The following NAALADL2 variants were observed in gnomAD, a reference collection of about 807,000 sequenced individuals.
NAALADL2 encodes the protein N-acetylated alpha-linked acidic dipeptidase like 2, also known as inactive N-acetylated-alpha-linked acidic dipeptidase-like protein 2.
A neutral mutation model predicts 87.2 loss-of-function variants in NAALADL2; 76 were observed. That is an observed-to-expected ratio of 0.87 (90% CI 0.72 to 1.05). The LOEUF is 1.05. NAALADL2 is among the 50% of genes least tolerant of loss of function. The pLI is 0.00. For synonymous variants in NAALADL2, 354 were observed against 331.0 expected, an observed-to-expected ratio of 1.07 and a Z score of -0.75; for missense variants, 1,089 against 945.8, an observed-to-expected ratio of 1.15 and a Z score of -1.99.
intron 3 of NAALADL2, among the ~76,000 whole-genome samples, chr3:174,840,966 T>C (rs1220876620): frequency 2.0e-5 from 3 of 151,626 alleles, no homozygotes; most frequent in African/African-American, 7.3e-5. Flanking sequence ...TAGTGCCCAT[T>C]ATGATGTTGA....
intron 2 of NAALADL2, among the ~76,000 whole-genome samples, chr3:174,695,405 T>C (rs1728930678): frequency 6.6e-6 from 1 of 152,006 alleles, no homozygotes; most frequent in South Asian, 2.1e-4. Context: ...TCCTGAACCA[T>C]AGACATAAGA....
At chr3:175,013,185 T>A (rs1750280885) in intron 1 of NAALADL2, among the ~76,000 whole-genome samples, 2 of 94,374 alleles carry the variant, frequency 2.1e-5, no homozygotes, top group South Asian at 2.5e-4. Flanking sequence ...TATTTATATA[T>A]AAATATATAT....
intron 9 of NAALADL2, among the ~76,000 whole-genome samples, chr3:175,510,104 G>T (rs1220605670): frequency 3.3e-5 from 5 of 150,306 alleles, no homozygotes; most frequent in East Asian, 2.0e-4. Flanking sequence ...GCGGTGTTTG[G>T]TTTTTTTTTC....
intron 10 of NAALADL2, among the ~76,000 whole-genome samples, chr3:175,626,276 A>AT (rs911870781): frequency 1.1e-4 from 16 of 151,932 alleles, no homozygotes; most frequent in African/African-American, 3.1e-4. Flanking sequence ...TATCCCTCAT[A>AT]TTTTTTGTAT....
chr3:175,491,379 G>A (rs16825830), intron 9 of NAALADL2, among the ~76,000 whole-genome samples: 1 of 151,448 alleles, frequency 6.6e-6, no homozygotes, highest in Non-Finnish European at 1.5e-5. Context: ...TTCAATCTGT[G>A]TATTTGTCTT....
intron 1 of NAALADL2, among the ~76,000 whole-genome samples, chr3:174,893,982 C>T (rs1395210569): frequency 6.6e-6 from 1 of 151,990 alleles, no homozygotes; most frequent in Non-Finnish European, 1.5e-5. Context: ...AAACACTTTA[C>T]CTGTGAAGAC....
chr3:174,637,381 A>G (rs1722750396), intron 2 of NAALADL2, among the ~76,000 whole-genome samples: 2 of 152,110 alleles, frequency 1.3e-5, no homozygotes, highest in African/African-American at 4.8e-5. Flanking sequence ...GGATATCCTA[A>G]ATATCCTCAA....
At chr3:174,761,862 TG>T (rs1161216957) in intron 3 of NAALADL2, among the ~76,000 whole-genome samples, 1 of 150,808 alleles carries the variant, frequency 6.6e-6, no homozygotes, top group Non-Finnish European at 1.5e-5. Flanking sequence ...ATGCGGTGTT[TG>T]GTTTTTTGTC....
At chr3:175,791,834 T>G (rs1373670666) in intron 13 of NAALADL2, among the ~76,000 whole-genome samples, 1 of 151,260 alleles carries the variant, frequency 6.6e-6, no homozygotes, top group Non-Finnish European at 1.5e-5. Flanking sequence ...TATTTTGTGC[T>G]GCATACCTGA....
chr3:174,790,599 G>A (rs1407044216), intron 3 of NAALADL2, among the ~76,000 whole-genome samples: 1 of 151,082 alleles, frequency 6.6e-6, no homozygotes, highest in East Asian at 1.9e-4. Flanking sequence ...AATGTGCCAA[G>A]ATTGTGCCAC....
intron 2 of NAALADL2, among the ~76,000 whole-genome samples, chr3:174,676,289 T>C (rs1727027189): frequency 6.6e-6 from 1 of 152,078 alleles, no homozygotes; most frequent in South Asian, 2.1e-4. Flanking sequence ...CGCTTCATTG[T>C]GGTAAGGCTT....
intron 12 of NAALADL2, among the ~76,000 whole-genome samples, 153 bp from the exon 13 acceptor site, chr3:175,755,067 A>T (rs1426943789): frequency 6.6e-6 from 1 of 152,050 alleles, no homozygotes; most frequent in Non-Finnish European, 1.5e-5. Context: ...TTGTCAAGTG[A>T]CAAAAAAAAA....
At chr3:175,722,108 C>A (rs1212255994) in intron 11 of NAALADL2, among the ~76,000 whole-genome samples, 3 of 151,814 alleles carry the variant, frequency 2.0e-5, no homozygotes, top group African/African-American at 7.3e-5. Context: ...GACCTTAATC[C>A]CAGTTCTGGT....
intron 2 of NAALADL2, among the ~76,000 whole-genome samples, chr3:175,142,435 C>T (rs1730136589): frequency 6.6e-6 from 1 of 151,858 alleles, no homozygotes; most frequent in Non-Finnish European, 1.5e-5. Flanking sequence ...TATCTTAATC[C>T]TCTCAACAAC....
chr3:175,286,216 G>T (rs1754953619), intron 4 of NAALADL2, among the ~76,000 whole-genome samples: 1 of 152,138 alleles, frequency 6.6e-6, no homozygotes, highest in Non-Finnish European at 1.5e-5. Flanking sequence ...AAATGCTATG[G>T]CAGTAAGGCA....
chr3:174,918,865 C>A (rs1346160574), intron 1 of NAALADL2, among the ~76,000 whole-genome samples: 1 of 151,860 alleles, frequency 6.6e-6, no homozygotes, highest in African/African-American at 2.4e-5. Context: ...ATTATGGCCA[C>A]TTTTATAATA....
At chr3:175,767,606 T>C (rs1165836946) in intron 13 of NAALADL2, 2 of 152,152 alleles carry the variant, frequency 1.3e-5, no homozygotes, top group Non-Finnish European at 2.9e-5. Flanking sequence ...ATACAGAGAT[T>C]AGCATGGCCC....
intron 5 of NAALADL2, among the ~76,000 whole-genome samples, chr3:175,378,083 C>G (rs184749593): frequency 6.6e-6 from 1 of 152,308 alleles, no homozygotes; most frequent in East Asian, 1.9e-4. Context: ...GATGGCAGAG[C>G]TAAAGGAGCA....
At chr3:174,626,728 C>T (rs1721615684) in intron 2 of NAALADL2, among the ~76,000 whole-genome samples, 1 of 151,734 alleles carries the variant, frequency 6.6e-6, no homozygotes, top group Non-Finnish European at 1.5e-5. Context: ...GTTTTATTTT[C>T]CAGTAAAATT....
Sources: gnomAD v4.1 joint callset for allele counts (sites outside exome capture counted in the v4.1 genomes callset) on GRCh38, gnomAD v4.1.1 for gene constraint, MANE v1.5 for transcripts, NCBI Gene and HGNC (gene_info 2026-07-23, HGNC 2026-07-21) for gene names.